SUPT3H: variants seen among roughly 807,000 people sequenced by gnomAD.
SUPT3H encodes the protein SPT3 homolog, SAGA and STAGA complex component, also known as transcription initiation protein SPT3 homolog.
Under a neutral mutation model 44.3 loss-of-function variants are expected in SUPT3H, and 44 were observed. The ratio of observed to expected loss-of-function variants is 0.99; its 90% CI spans 0.78 to 1.28. The LOEUF (loss-of-function observed/expected upper bound fraction) is 1.28, where lower values mean the gene tolerates loss of function less well. Ranked by LOEUF, SUPT3H falls within the 50% of genes most tolerant of loss-of-function variation. The pLI, the probability that SUPT3H is intolerant of heterozygous loss-of-function variation, is 0.00. For synonymous variants in SUPT3H, 124 were observed against 125.6 expected (o/e 0.99, Z 0.09); for missense variants, 380 against 387.1 (o/e 0.98, Z 0.15).
intron 2 of SUPT3H, among the ~76,000 whole-genome samples, chr6:45,307,751 G>A (rs985488754): frequency 4.6e-5 from 7 of 152,182 alleles, no homozygotes; most frequent in African/African-American, 1.2e-4. Flanking sequence ...CACAAGAAAC[G>A]GAACAAAGCT....
At chr6:44,832,025 T>G (rs1382143310) in intron 10 of SUPT3H, among the ~76,000 whole-genome samples, 1 of 152,138 alleles carries the variant, frequency 6.6e-6, no homozygotes, top group Non-Finnish European at 1.5e-5. Flanking sequence ...CAAACAAGCA[T>G]GTGTAATTAG....
At chr6:45,009,052 C>T (rs1173064916) in intron 5 of SUPT3H, among the ~76,000 whole-genome samples, 1 of 152,068 alleles carries the variant, frequency 6.6e-6, no homozygotes, top group Non-Finnish European at 1.5e-5. Flanking sequence ...TTTTCAGTGT[C>T]TATTGTCCAT....
chr6:45,077,548 G>A (rs1451534279), intron 3 of SUPT3H, among the ~76,000 whole-genome samples: 1 of 138,746 alleles, frequency 7.2e-6, no homozygotes, highest in Non-Finnish European at 1.5e-5. Context: ...GATCACTTGA[G>A]CCCAGGAGAT....
At chr6:44,905,783 A>G (rs1765941517) in intron 10 of SUPT3H, among the ~76,000 whole-genome samples, 1 of 152,244 alleles carries the variant, frequency 6.6e-6, no homozygotes, top group Admixed American at 6.5e-5. Flanking sequence ...ATGTCCAACC[A>G]ACAATGATAG....
At chr6:45,361,334 G>A (rs1281547798) in intron 2 of SUPT3H, among the ~76,000 whole-genome samples, 2 of 151,908 alleles carry the variant, frequency 1.3e-5, no homozygotes, top group East Asian at 1.9e-4. Flanking sequence ...TTTTAAAAAC[G>A]TGGTGACATT....
At chr6:45,325,004 C>T (rs1035423807) in intron 2 of SUPT3H, among the ~76,000 whole-genome samples, 3 of 151,406 alleles carry the variant, frequency 2.0e-5, no homozygotes, top group South Asian at 4.2e-4. Flanking sequence ...AAATAGATCC[C>T]GTGTAAGCTT....
At chr6:45,370,306 G>A (rs555619922) in intron 1 of SUPT3H, among the ~76,000 whole-genome samples, 3 of 152,066 alleles carry the variant, frequency 2.0e-5, no homozygotes, top group Non-Finnish European at 2.9e-5. Flanking sequence ...TGAGAGAAGC[G>A]CAGTCAAGGA....
intron 3 of SUPT3H, among the ~76,000 whole-genome samples, chr6:45,070,624 C>A (rs776754437): frequency 6.6e-6 from 1 of 151,202 alleles, no homozygotes; most frequent in African/African-American, 2.4e-5. Context: ...GCCTGTAATC[C>A]CAGCTACTCC....
In SUPT3H at chr6:45,336,569, T is replaced by C. The variant is rs1478030766; in HGVS notation, c.101+28632A>G. On this transcript the variant is annotated intron_variant, in intron 2 of 10. Transcript: ENST00000371459. The stretch of plus-strand genomic sequence containing the variant: ...AAAACATCAAAATACTTGGCTTAAA[T>C]TGCTAAATTATTTAATTATTAAATG... 2.6e-5 allele frequency among the ~76,000 whole-genome samples: 4 copies of C among 151,454 alleles called. No homozygotes were observed. In the South Asian group the frequency reaches 6.2e-4, roughly 24 times the overall value.
At chr6:44,985,911 T>C (rs1317260098) in intron 6 of SUPT3H, among the ~76,000 whole-genome samples, 1 of 152,186 alleles carries the variant, frequency 6.6e-6, no homozygotes, top group Non-Finnish European at 1.5e-5. Flanking sequence ...CTGAGTGTCC[T>C]TGGCCCTTCA....
At chr6:45,205,906 T>C (rs1763158617) in intron 2 of SUPT3H, among the ~76,000 whole-genome samples, 1 of 152,174 alleles carries the variant, frequency 6.6e-6, no homozygotes, top group Non-Finnish European at 1.5e-5. Context: ...GCTCACTGCC[T>C]TTTTCTTATG....
chr6:45,308,433 G>A (rs1467130486), intron 2 of SUPT3H, among the ~76,000 whole-genome samples: 1 of 152,152 alleles, frequency 6.6e-6, no homozygotes, highest in African/African-American at 2.4e-5. Context: ...GAGAGTGGGG[G>A]CCAATATTCA....
At chr6:45,371,303 A>T (rs1218629437) in intron 1 of SUPT3H, among the ~76,000 whole-genome samples, 1 of 152,204 alleles carries the variant, frequency 6.6e-6, no homozygotes, top group Admixed American at 6.5e-5. Flanking sequence ...TTATGTGACC[A>T]AAAAGAAAAA....
At chr6:45,132,740 ATT>A (rs1286755621) in intron 2 of SUPT3H, among the ~76,000 whole-genome samples, 12 of 152,206 alleles carry the variant, frequency 7.9e-5, no homozygotes, top group African/African-American at 2.9e-4. Context: ...TCTTAAAAAA[ATT>A]TCCTTACTTT....
intron 9 of SUPT3H, among the ~76,000 whole-genome samples, chr6:44,937,436 G>A (rs540399986): frequency 1.3e-5 from 2 of 152,030 alleles, no homozygotes; most frequent in Non-Finnish European, 2.9e-5. Flanking sequence ...GGAGGTTGCA[G>A]TGAGCCCAGA....
chr6:44,990,178 A>G (rs980718420), intron 6 of SUPT3H, among the ~76,000 whole-genome samples: 2 of 144,360 alleles, frequency 1.4e-5, no homozygotes, highest in Non-Finnish European at 3.2e-5. Context: ...TAAGGATTCA[A>G]TTTCATTTTT....
At chr6:45,273,490 A>G (rs1776533515) in intron 2 of SUPT3H, among the ~76,000 whole-genome samples, 1 of 152,188 alleles carries the variant, frequency 6.6e-6, no homozygotes, top group Non-Finnish European at 1.5e-5. Context: ...TGTCTTATCC[A>G]TCTTAGTCCC....
chr6:45,249,062 A>T (rs1771894931), intron 2 of SUPT3H, among the ~76,000 whole-genome samples: 1 of 152,228 alleles, frequency 6.6e-6, no homozygotes, highest in South Asian at 2.1e-4. Flanking sequence ...TTTACCACTT[A>T]GAAACCACGT....
At chr6:45,296,134 CACATAT>C (rs1349527058) in intron 2 of SUPT3H, among the ~76,000 whole-genome samples, 1 of 151,736 alleles carries the variant, frequency 6.6e-6, no homozygotes. Flanking sequence ...TATATATACA[CACATAT>C]ACATATACAT....
Sources: allele counts gnomAD v4.1 joint callset (sites outside exome capture counted in the v4.1 genomes callset), GRCh38; gene constraint gnomAD v4.1.1; transcripts MANE v1.5; gene names NCBI Gene and HGNC (gene_info 2026-07-23, HGNC 2026-07-21).